The following ADAM23 variants were observed in gnomAD, a reference collection of about 807,000 sequenced individuals.
The protein encoded by ADAM23 is ADAM metallopeptidase domain 23.
Under a neutral mutation model 120.1 loss-of-function variants are expected in ADAM23, and 33 were observed. The ratio of observed to expected loss-of-function variants is 0.27; its 90% CI spans 0.21 to 0.37. The LOEUF (loss-of-function observed/expected upper bound fraction) is 0.37. ADAM23 is among the 10% of genes least tolerant of loss of function. The pLI is 1.00. For missense variants in ADAM23, 862 were observed against 1,058.2 expected (o/e 0.81, Z 2.57); for synonymous variants, 367 against 375.2 (o/e 0.98, Z 0.25).
At chr2:206,459,977 G>T (rs1428886779) in intron 2 of ADAM23, among the ~76,000 whole-genome samples, 1 of 152,038 alleles carries the variant, frequency 6.6e-6, no homozygotes, top group Non-Finnish European at 1.5e-5. Flanking sequence ...CCCTGATTTT[G>T]TCCCTCTCCT....
At chr2:206,502,692 C>G (rs145744696) in intron 3 of ADAM23, among the ~76,000 whole-genome samples, 1 of 152,164 alleles carries the variant, frequency 6.6e-6, no homozygotes, top group East Asian at 1.9e-4. Flanking sequence ...ATCTTATTTT[C>G]CCTGACCATA....
chr2:206,596,203 C>T (rs970593522), intron 24 of ADAM23, 41 bp downstream of exon 24: 8 of 1,444,300 alleles, frequency 5.5e-6, no homozygotes, highest in Admixed American at 1.7e-5. Context: ...ATACTGAATT[C>T]GTTGACACTG....
chr2:206,547,331 C>T (rs1697418719), intron 6 of ADAM23, 98 bp from the exon 7 acceptor site: 2 of 902,328 alleles, frequency 2.2e-6, no homozygotes, highest in East Asian at 2.7e-5. Context: ...TATAAATATT[C>T]CCATTTTAGG....
chr2:206,610,594 T>C (rs1196978066), intron 25 of ADAM23, among the ~76,000 whole-genome samples: 1 of 152,218 alleles, frequency 6.6e-6, no homozygotes, highest in African/African-American at 2.4e-5. Context: ...TAGTATTTTC[T>C]AATCAAGGAC....
chr2:206,583,408 A>C (rs1002888256), intron 18 of ADAM23, among the ~76,000 whole-genome samples: 2 of 151,398 alleles, frequency 1.3e-5, no homozygotes, highest in South Asian at 2.1e-4. Context: ...GAGCCGAGAT[A>C]GTGCCACTGC....
chr2:206,487,419 C>T (rs1214169719), intron 3 of ADAM23, among the ~76,000 whole-genome samples: 1 of 152,110 alleles, frequency 6.6e-6, no homozygotes. Context: ...TTGGTAGGCC[C>T]TGGGTTGATA....
At chr2:206,478,141 T>G (rs979042784) in intron 2 of ADAM23, among the ~76,000 whole-genome samples, 1 of 151,826 alleles carries the variant, frequency 6.6e-6, no homozygotes, top group African/African-American at 2.4e-5. Context: ...GTATTTATTT[T>G]GGTATAGAGA....
At chr2:206,562,079 T>C in intron 12 of ADAM23, 124 bp from the exon 13 acceptor site, 1 of 742,880 alleles carries the variant, frequency 1.3e-6, no homozygotes, top group South Asian at 1.9e-5. Context: ...GCATATGCCA[T>C]CTTAAGATAC....
chr2:206,566,524 A>G (rs1697886084), intron 14 of ADAM23, among the ~76,000 whole-genome samples: 1 of 152,140 alleles, frequency 6.6e-6, no homozygotes, highest in African/African-American at 2.4e-5. Flanking sequence ...TGACATAGAG[A>G]TATTATATTT....
At chr2:206,542,450 T>A (rs747463589) in intron 5 of ADAM23, among the ~76,000 whole-genome samples, 1 of 152,148 alleles carries the variant, frequency 6.6e-6, no homozygotes, top group Non-Finnish European at 1.5e-5. Context: ...AGAGGACATA[T>A]CAGTTAGACC....
intron 3 of ADAM23, 113 bp downstream of exon 3, chr2:206,481,421 T>C: frequency 1.4e-6 from 1 of 693,040 alleles, no homozygotes; most frequent in South Asian, 3.0e-5. Flanking sequence ...TCTAGCAGAT[T>C]ATTATAGAGC....
chr2:206,574,407 T>C (rs910042870), intron 18 of ADAM23, among the ~76,000 whole-genome samples: 1 of 151,624 alleles, frequency 6.6e-6, no homozygotes, highest in African/African-American at 2.4e-5. Context: ...GTTTTCTTTT[T>C]TTTTTTTTTG....
intron 10 of ADAM23, among the ~76,000 whole-genome samples, chr2:206,559,694 G>A (rs1299110543): frequency 4.6e-5 from 7 of 152,178 alleles, no homozygotes; most frequent in Non-Finnish European, 8.8e-5. Flanking sequence ...AATCCTTACT[G>A]TCTCTCCCTA....
At chr2:206,604,364 G>C (rs1698693932) in intron 24 of ADAM23, among the ~76,000 whole-genome samples, 1 of 152,150 alleles carries the variant, frequency 6.6e-6, no homozygotes. Flanking sequence ...TAAAAATGAG[G>C]CTTCATATTT....
intron 3 of ADAM23, among the ~76,000 whole-genome samples, chr2:206,499,623 A>C (rs191502289): frequency 1.3e-5 from 2 of 152,198 alleles, no homozygotes; most frequent in East Asian, 3.9e-4. Context: ...CATGTACCCT[A>C]AAACTTAAAG....
At chr2:206,451,806 G>C (rs1325506987) in intron 2 of ADAM23, among the ~76,000 whole-genome samples, 2 of 152,134 alleles carry the variant, frequency 1.3e-5, no homozygotes, top group Non-Finnish European at 2.9e-5. Context: ...AGGGGGTCTG[G>C]ATTTATTCTA....
chr2:206,542,649 T>G (rs1574523169), intron 5 of ADAM23, among the ~76,000 whole-genome samples: 1 of 152,258 alleles, frequency 6.6e-6, no homozygotes, highest in Non-Finnish European at 1.5e-5. Flanking sequence ...ATATAAAGAC[T>G]TAGTTTCGGC....
intron 24 of ADAM23, among the ~76,000 whole-genome samples, chr2:206,601,183 C>T (rs1222176930): frequency 6.6e-6 from 1 of 152,186 alleles, no homozygotes; most frequent in Non-Finnish European, 1.5e-5. Flanking sequence ...TGATAGTTTA[C>T]ATCACCATTG....
chr2:206,444,989 G>A (rs1695048508), intron 1 of ADAM23, among the ~76,000 whole-genome samples: 1 of 107,322 alleles, frequency 9.3e-6, no homozygotes, highest in African/African-American at 3.2e-5. Flanking sequence ...CTTCCCTCAA[G>A]TTCATTCTAC....
Sources: allele counts gnomAD v4.1 joint callset (sites outside exome capture counted in the v4.1 genomes callset), GRCh38; gene constraint gnomAD v4.1.1; transcripts MANE v1.5; gene names NCBI Gene and HGNC (gene_info 2026-07-23, HGNC 2026-07-21).